Variants in RB1 observed in about 807,000 individuals in gnomAD.
RB1 encodes the protein retinoblastoma-associated protein.
RB1 carries 18 observed loss-of-function variants against 135.4 expected under a neutral mutation model. That is an observed-to-expected ratio of 0.13 (90% confidence interval 0.09 to 0.20). RB1 has a LOEUF of 0.20. RB1 is among the 10% of genes least tolerant of loss of function. RB1 has a pLI of 1.00. For missense variants in RB1, 868 were observed against 1,110.0 expected (o/e 0.78, Z 3.10); for synonymous variants, 365 against 373.2 (o/e 0.98, Z 0.25).
At chr13:48,381,171 GATA>G in intron 16 of RB1, 73 bp from the exon 17 acceptor site, 3 of 1,504,676 alleles carry the variant, frequency 2.0e-6, no homozygotes, top group Non-Finnish European at 2.7e-6. Context: ...TTCTTTGTCT[GATA>G]ATAACTTCCA....
intron 13 of RB1, among the ~76,000 whole-genome samples, chr13:48,377,754 T>G (rs1952842421): frequency 6.6e-6 from 1 of 152,180 alleles, no homozygotes; most frequent in South Asian, 2.1e-4. Context: ...GACAAATGCA[T>G]CATTAGGCAA....
At chr13:48,422,951 G>A (rs1278384222) in intron 17 of RB1, among the ~76,000 whole-genome samples, 1 of 152,044 alleles carries the variant, frequency 6.6e-6, no homozygotes, top group Non-Finnish European at 1.5e-5. Flanking sequence ...GACCAGCCTA[G>A]GCAACATAGT....
Position 48,342,729 on chromosome 13 carries a change from A to G in RB1, c.380+15A>G, listed in dbSNP as rs1293468919. 5 of 1,519,654 alleles carry G rather than the reference A, an allele frequency of 3.3e-6. No homozygotes were observed. Among genetic ancestry groups the G allele is most frequent in the African/African-American group, 2.7e-5 (2 of 72,916 alleles). The allele number at this position is 1,519,654 out of a possible 1,614,324, so 94.1% of individuals were successfully genotyped here. A position where few individuals can be genotyped will look rare whatever the true frequency, so the allele number is the denominator to read the frequency against. Reference sequence around the variant, plus strand: ...ATAGAAATCAGGTAAAGTTTCTTGTATAAATATAAGCCTCTGCCATAAAAG... The same window carrying G: ...ATAGAAATCAGGTAAAGTTTCTTGTGTAAATATAAGCCTCTGCCATAAAAG... On this transcript the variant is annotated intron_variant, in intron 3 of 26. Coordinates refer to ENST00000267163, the MANE Select transcript of RB1 (RefSeq NM_000321.3).
In RB1 at chr13:48,336,460, A is replaced by G. The variant is rs1952386121; in HGVS notation, c.265-6139A>G. Among the ~76,000 whole-genome samples, 4 of 152,154 alleles carry G rather than the reference A, an allele frequency of 2.6e-5. 1 individual carries two copies. The highest frequency in any genetic ancestry group is 9.6e-5 in the African/African-American group (4 of 41,494). Reference sequence around the variant, plus strand: ...TTTATCCATTTCTTCTAGATTTTCTAGTTTATTTGCGTAGAGGTGTTTATA... The same window carrying G: ...TTTATCCATTTCTTCTAGATTTTCTGGTTTATTTGCGTAGAGGTGTTTATA... On this transcript the variant is annotated intron_variant, in intron 2 of 26. Coordinates refer to ENST00000267163, the MANE Select transcript of RB1 (RefSeq NM_000321.3).
chr13:48,355,870 A>G (rs1368717758), intron 6 of RB1, among the ~76,000 whole-genome samples: 5 of 152,054 alleles, frequency 3.3e-5, no homozygotes, highest in Admixed American at 6.6e-5. Flanking sequence ...CTAAAAATCA[A>G]ATCTGAACTC....
Position 48,474,223 on chromosome 13 carries a change from A to G in RB1, c.2520+833A>G, listed in dbSNP as rs1949490264. ...TTATATAGGCATAATTGATTAACTC[A>G]ATTTCCAACCCCCTCCCCTCCCTGG... On this transcript the variant is annotated intron_variant, in intron 24 of 26. Transcript: ENST00000267163. Among the ~76,000 whole-genome samples the G allele has an allele frequency of 2.0e-5, 3 of 152,058 alleles. No individual in the cohort carries two copies. In the South Asian group the frequency reaches 6.2e-4, roughly 32 times the overall value.
At position 48,319,828 on chromosome 13, in the gene RB1, G is replaced by T; in HGVS notation, c.264+12422G>T. On this transcript the variant is annotated intron_variant, in intron 2 of 26. Transcript: ENST00000267163. This position sits in a 1 kb window ranked among gnomAD's most constrained non-coding sequence, Gnocchi z 5.0. Reference sequence around the variant, plus strand: ...TTCCGCCTTAATGCTCTGCTCGAAGGAGTCGTTGCTGCTCGCTCTGACCGG... The same window carrying T: ...TTCCGCCTTAATGCTCTGCTCGAAGTAGTCGTTGCTGCTCGCTCTGACCGG... The T allele has an allele frequency of 3.1e-6, 1 of 320,724 alleles. No homozygotes were observed. Among genetic ancestry groups the T allele is most frequent in the South Asian group, 3.8e-5 (1 of 26,214 alleles). 19.9% of individuals were successfully genotyped at this position (320,724 alleles called of 1,614,324 possible). A position where few individuals can be genotyped will look rare whatever the true frequency, so the allele number is the denominator to read the frequency against.
At chr13:48,396,445 T>C (rs1471801058) in intron 17 of RB1, among the ~76,000 whole-genome samples, 2 of 152,200 alleles carry the variant, frequency 1.3e-5, no homozygotes, top group Middle Eastern at 3.2e-3. Context: ...ACTAGCCATA[T>C]GCAGAAAACT....
chr13:48,324,888 T>C (rs1257999025), intron 2 of RB1, among the ~76,000 whole-genome samples: 1 of 152,046 alleles, frequency 6.6e-6, no homozygotes, highest in African/African-American at 2.4e-5. Context: ...TTTTTTACTG[T>C]TTTAACATAA....
chr13:48,362,493 T>C (rs895412418), intron 7 of RB1, among the ~76,000 whole-genome samples: 1 of 145,020 alleles, frequency 6.9e-6, no homozygotes, highest in South Asian at 2.1e-4. Context: ...GACAGAAAAC[T>C]TTTTTTTCCT....
intron 17 of RB1, among the ~76,000 whole-genome samples, chr13:48,423,102 C>T (rs1034578865): frequency 6.6e-6 from 1 of 152,002 alleles, no homozygotes; most frequent in Non-Finnish European, 1.5e-5. Context: ...TTTACTCCAT[C>T]CTGAGTGACA....
intron 17 of RB1, among the ~76,000 whole-genome samples, chr13:48,382,509 T>C (rs950377533): frequency 1.3e-5 from 2 of 152,214 alleles, no homozygotes; most frequent in Admixed American, 1.3e-4. Context: ...TTGAGAAGTG[T>C]CTGTTCATAT....
chr13:48,440,901 C>T (rs1949230334), intron 17 of RB1, among the ~76,000 whole-genome samples: 2 of 151,820 alleles, frequency 1.3e-5, no homozygotes, highest in South Asian at 4.2e-4. Flanking sequence ...CTAAGAATGC[C>T]CTATATTGTA....
chr13:48,433,197 T>TA (rs1198291360), intron 17 of RB1, among the ~76,000 whole-genome samples: 1 of 152,114 alleles, frequency 6.6e-6, no homozygotes, highest in Non-Finnish European at 1.5e-5. Context: ...TTATTAGAAA[T>TA]AGATTCTTTT....
At chr13:48,345,728 G>A (rs116830399) in intron 4 of RB1, among the ~76,000 whole-genome samples, 1,699 of 152,158 alleles carry the variant, frequency 0.011, 31 homozygotes, top group African/African-American at 0.039. Flanking sequence ...TACCCCAAAT[G>A]TTTCAGCCCT....
At chr13:48,338,303 C>G (rs1952404287) in intron 2 of RB1, among the ~76,000 whole-genome samples, 2 of 152,192 alleles carry the variant, frequency 1.3e-5, no homozygotes. Flanking sequence ...CTCCCTGTCA[C>G]TTTCAGGTAC....
intron 17 of RB1, chr13:48,411,312 T>C: frequency 8.4e-7 from 1 of 1,191,134 alleles, no homozygotes; most frequent in South Asian, 1.2e-5. Flanking sequence ...GGTGGAAAAA[T>C]AGTTTGTCCA....
At chr13:48,423,927 A>C (rs572728607) in intron 17 of RB1, 1 of 152,674 alleles carries the variant, frequency 6.5e-6, no homozygotes, top group South Asian at 2.1e-4. Flanking sequence ...TGTCTCTTGA[A>C]GAAAGAAAGA....
intron 6 of RB1, among the ~76,000 whole-genome samples, chr13:48,351,003 C>T (rs1213868813): frequency 6.6e-6 from 1 of 152,062 alleles, no homozygotes; most frequent in Non-Finnish European, 1.5e-5. Context: ...TAGGTTGATG[C>T]CATGTCTTTG....
Sources: allele counts gnomAD v4.1 joint callset (sites outside exome capture counted in the v4.1 genomes callset), GRCh38; gene constraint gnomAD v4.1.1; non-coding constraint Gnocchi (gnomAD v3.1); transcripts MANE v1.5; gene names NCBI Gene and HGNC (gene_info 2026-07-23, HGNC 2026-07-21).